The following FRMD6 variants were observed in gnomAD, a reference collection of about 807,000 sequenced individuals.
The protein encoded by FRMD6 is FERM domain-containing protein 6.
In FRMD6, 37 loss-of-function variants were observed where a neutral mutation model predicts 73.2. The ratio of observed to expected loss-of-function variants is 0.51; its 90% CI spans 0.39 to 0.66. FRMD6 has a LOEUF of 0.66. Among genes scored for constraint, FRMD6 ranks in the 30% least tolerant of loss-of-function variants. The pLI, the probability that FRMD6 is intolerant of heterozygous loss-of-function variation, is 0.00. For synonymous variants in FRMD6, 273 were observed against 282.2 expected, an observed-to-expected ratio of 0.97 and a Z score of 0.33; for missense variants, 714 against 780.5, an observed-to-expected ratio of 0.91 and a Z score of 1.02.
intron 1 of FRMD6, among the ~76,000 whole-genome samples, chr14:51,682,568 G>A (rs540029406): frequency 6.6e-6 from 1 of 152,228 alleles, no homozygotes; most frequent in African/African-American, 2.4e-5. Context: ...GAATTTCTAT[G>A]GATGGTTTCT....
upstream of FRMD6, among the ~76,000 whole-genome samples, chr14:51,486,135 C>T (rs550881203): frequency 6.6e-5 from 10 of 151,814 alleles, no homozygotes; most frequent in South Asian, 1.9e-3. Flanking sequence ...CCCGGGTTCA[C>T]GTCATTCTCC....
chr14:51,611,057 C>G (rs1211802723), intron 2 of FRMD6, among the ~76,000 whole-genome samples: 1 of 152,088 alleles, frequency 6.6e-6, no homozygotes, highest in African/African-American at 2.4e-5. Flanking sequence ...ATCGAGTAAT[C>G]TTTCTATTGC....
chr14:51,571,924 C>T (rs78365673), intron 2 of FRMD6, among the ~76,000 whole-genome samples: 3,577 of 152,262 alleles, frequency 0.023, 123 homozygotes, highest in African/African-American at 0.081. Context: ...GGGGAGATAT[C>T]AAGTGTCTCT....
chr14:51,422,011 C>T, the FRMD6 span, among the ~76,000 whole-genome samples: 414 of 152,348 alleles, frequency 2.7e-3, 2 homozygotes, highest in Non-Finnish European at 5.0e-3. Context: ...GCCCTTGGCC[C>T]TCCAAACTTA....
At chr14:51,427,704 T>G in the FRMD6 span, among the ~76,000 whole-genome samples, 13,224 of 152,260 alleles carry the variant, frequency 0.087, 611 homozygotes, top group East Asian at 0.12. Flanking sequence ...TGAACATAAG[T>G]GAGCATGCAG....
chr14:51,720,507 G>C, intron 11 of FRMD6, 117 bp downstream of exon 11: 1 of 888,576 alleles, frequency 1.1e-6, no homozygotes, highest in Non-Finnish European at 1.8e-6. Context: ...AAGTGGAAGA[G>C]GTGTCTTGTT....
chr14:51,420,481 A>G, the FRMD6 span, among the ~76,000 whole-genome samples: 2 of 152,362 alleles, frequency 1.3e-5, no homozygotes, highest in East Asian at 1.9e-4. Context: ...TTGGGCTTAT[A>G]GTTCTAAGGA....
chr14:51,428,177 G>T, the FRMD6 span, among the ~76,000 whole-genome samples: 18 of 152,146 alleles, frequency 1.2e-4, no homozygotes, highest in Admixed American at 1.2e-3. Flanking sequence ...GAACACTAAA[G>T]GTGCCAGGTG....
chr14:51,715,609 A>G (rs914178464), intron 10 of FRMD6, 110 bp downstream of exon 10: 4 of 840,382 alleles, frequency 4.8e-6, no homozygotes, highest in South Asian at 4.4e-5. Flanking sequence ...GGACTGGGAC[A>G]CTCCAGATTG....
At chr14:51,453,462 C>T in the FRMD6 span, among the ~76,000 whole-genome samples, 3 of 152,106 alleles carry the variant, frequency 2.0e-5, no homozygotes, top group African/African-American at 4.8e-5. Flanking sequence ...CATGAAGACA[C>T]CCTCAGCCGC....
intron 2 of FRMD6, among the ~76,000 whole-genome samples, chr14:51,589,008 T>C (rs1007209112): frequency 5.9e-5 from 9 of 152,298 alleles, no homozygotes; most frequent in Middle Eastern, 3.4e-3. Flanking sequence ...TAAACACCCA[T>C]GGGAACATGC....
chr14:51,407,000 A>G, the FRMD6 span, among the ~76,000 whole-genome samples: 4 of 152,154 alleles, frequency 2.6e-5, no homozygotes, highest in African/African-American at 9.6e-5. Flanking sequence ...ACTAGTTCTA[A>G]TTATTTATTT....
chr14:51,702,148 A>AT (rs1422205245), intron 4 of FRMD6, among the ~76,000 whole-genome samples: 1 of 152,064 alleles, frequency 6.6e-6, no homozygotes, highest in Non-Finnish European at 1.5e-5. Flanking sequence ...ACAAGAGAAC[A>AT]TTTGTAATAA....
intron 1 of FRMD6, among the ~76,000 whole-genome samples, chr14:51,552,541 A>G (rs1886899681): frequency 6.6e-6 from 1 of 152,236 alleles, no homozygotes. Flanking sequence ...AGTGCGATGC[A>G]TGACGGAGAG....
At chr14:51,447,345 C>T in the FRMD6 span, among the ~76,000 whole-genome samples, 7 of 152,190 alleles carry the variant, frequency 4.6e-5, no homozygotes, top group East Asian at 9.7e-4. Flanking sequence ...CCTTGAAGCT[C>T]CCATTTAGCT....
At chr14:51,723,761 T>C (rs1295269774) in intron 12 of FRMD6, among the ~76,000 whole-genome samples, 1 of 134,830 alleles carries the variant, frequency 7.4e-6, no homozygotes, top group African/African-American at 2.8e-5. Flanking sequence ...GGCAAAAGAG[T>C]GAGACTCTGT....
intron 13 of FRMD6, 105 bp from the exon 14 acceptor site, chr14:51,727,640 T>G (rs1001950643): frequency 8.9e-7 from 1 of 1,121,636 alleles, no homozygotes; most frequent in Non-Finnish European, 1.3e-6. Flanking sequence ...CTTTCTAACA[T>G]GTAAGGATTA....
At position 51,720,194 on chromosome 14, in the gene FRMD6, C is replaced by T; in HGVS notation, c.1164C>T (p.Ser388=). 1 of 1,614,144 alleles carries T rather than the reference C, an allele frequency of 6.2e-7. No homozygotes were observed. The highest frequency in any genetic ancestry group is 8.5e-7 in the Non-Finnish European group (1 of 1,180,040). ...HKRLSRHSTA[S]HSSSHTSGIE... Reference sequence around the variant, plus strand: ...GCCTGTCCCGTCATTCCACCGCCAGCCACAGCAGTTCCCACACCTCGGGCA... The same window carrying T: ...GCCTGTCCCGTCATTCCACCGCCAGTCACAGCAGTTCCCACACCTCGGGCA... Residue 388 remains serine (S), a synonymous_variant, in exon 11 of 14, where the codon AGC becomes AGT. Transcript: ENST00000344768.
At chr14:51,718,529 C>T (rs1264272376) in intron 10 of FRMD6, among the ~76,000 whole-genome samples, 1 of 152,256 alleles carries the variant, frequency 6.6e-6, no homozygotes, top group East Asian at 1.9e-4. Context: ...TGTGAAACCA[C>T]AGTGAATAAA....
Sources: gnomAD v4.1 joint callset for allele counts (sites outside exome capture counted in the v4.1 genomes callset) on GRCh38, gnomAD v4.1.1 for gene constraint, MANE v1.5 for transcripts, NCBI Gene and HGNC (gene_info 2026-07-23, HGNC 2026-07-21) for gene names.